The following ARRB2 variants were observed in gnomAD, a reference collection of about 807,000 sequenced individuals.
ARRB2 encodes the protein beta-arrestin-2.
A neutral mutation model predicts 53.4 loss-of-function variants in ARRB2; 21 were observed. The observed-to-expected ratio is 0.39, with a 90% confidence interval of 0.28 to 0.57. The LOEUF is 0.57. Among genes scored for constraint, ARRB2 ranks in the 20% least tolerant of loss-of-function variants. The probability of loss-of-function intolerance (pLI) is 0.55; values close to 1 mark genes in which losing one functional copy is unlikely to be tolerated. For missense variants in ARRB2, 369 were observed against 527.5 expected (o/e 0.70, Z 2.94); for synonymous variants, 180 against 212.9 (o/e 0.85, Z 1.34).
chr17:4,710,673 G>C lies in ARRB2; in HGVS notation c.-49G>C, dbSNP rs1009117555. Reference sequence around the variant, plus strand: ...GAGCAGGGATCTTGGCAGCGGGCGAGGAGGCTGCGAGCGAGCCGCGAACCG... The same window carrying C: ...GAGCAGGGATCTTGGCAGCGGGCGACGAGGCTGCGAGCGAGCCGCGAACCG... On this transcript the variant is annotated 5_prime_UTR_variant, in exon 1 of 15. Coordinates refer to ENST00000269260, the MANE Select transcript of ARRB2 (RefSeq NM_004313.4). 1.1e-4 allele frequency: 44 copies of C among 398,846 alleles called. No individual in the cohort carries two copies. Among genetic ancestry groups the C allele is most frequent in the African/African-American group, 8.6e-4 (42 of 48,704 alleles). The allele number at this position is 398,846 out of a possible 1,614,324, so 24.7% of individuals were successfully genotyped here. A position where few individuals can be genotyped will look rare whatever the true frequency, so the allele number is the denominator to read the frequency against.
chr17:4,716,663 G>A (rs751981797), intron 5 of ARRB2, 55 bp downstream of exon 5: 157 of 1,536,946 alleles, frequency 1.0e-4, no homozygotes, highest in Non-Finnish European at 1.4e-4. Context: ...GACTGTGTCT[G>A]GGGTGGGGGT....
At chr17:4,718,856 A>C (rs1050401023) in intron 10 of ARRB2, among the ~76,000 whole-genome samples, 172 bp downstream of exon 10, 1 of 147,250 alleles carries the variant, frequency 6.8e-6, no homozygotes, top group Non-Finnish European at 1.5e-5. Flanking sequence ...ACCTCTGCTC[A>C]CTGCAACCTC....
chr17:4,717,417 G>T lies in ARRB2; in HGVS notation c.417+141G>T, dbSNP rs1318165385. ...GGCCAGTGTCCCCCGTGGAAGTGGG[G>T]CGTATGTGGTGGTCATTGTGCACGC... On this transcript the variant is annotated intron_variant, in intron 6 of 14. Coordinates refer to ENST00000269260, the MANE Select transcript of ARRB2 (RefSeq NM_004313.4). This position sits in a 1 kb window ranked among gnomAD's most constrained non-coding sequence, Gnocchi z 6.0. 86 of 1,110,206 alleles carry T rather than the reference G, an allele frequency of 7.7e-5. No homozygotes were observed. The Admixed American group carries it at 1.5e-3, about 19-fold the overall frequency. 68.8% of individuals were successfully genotyped at this position (1,110,206 alleles called of 1,614,324 possible).
chr17:4,710,821 G>T (rs1914311698), intron 1 of ARRB2, 77 bp downstream of exon 1: 1 of 397,810 alleles, frequency 2.5e-6, no homozygotes, highest in Admixed American at 4.4e-5. Context: ...AGACGAGGGC[G>T]CAGCGGAGAG....
chr17:4,715,724 CAA>C lies in ARRB2; in HGVS notation c.55-247_55-246del, dbSNP rs1491209818. The C allele has an allele frequency of 3.6e-4, 172 of 478,608 alleles. 2 individuals carry two copies. The African/African-American group carries it at 4.1e-3, about 11-fold the overall frequency. The allele number at this position is 478,608 out of a possible 1,614,324, so 29.6% of individuals were successfully genotyped here. ...ACACACACACACACACACACACACA[CAA>C]ACACACACACACCGGGCTGGTGGGC... On this transcript the variant is annotated intron_variant, in intron 2 of 14. Transcript: ENST00000269260.
Position 4,716,615 on chromosome 17 carries a change from A to G in ARRB2, c.357+7A>G. On this transcript the variant is annotated splice_region_variant and intron_variant, in intron 5 of 14. Coordinates refer to ENST00000269260, the MANE Select transcript of ARRB2 (RefSeq NM_004313.4). ...CCACCCCTTCTTCTTCACCGTGAGGATGCCCCTGCCCTCTGAGGGCCAGGG... is the reference window on the plus strand; with the variant it reads ...CCACCCCTTCTTCTTCACCGTGAGGGTGCCCCTGCCCTCTGAGGGCCAGGG... 2 of 1,494,838 alleles carry G rather than the reference A, an allele frequency of 1.3e-6. No homozygotes were observed. The highest frequency in any genetic ancestry group is 1.8e-6 in the Non-Finnish European group (2 of 1,115,590). The allele number at this position is 1,494,838 out of a possible 1,614,324, so 92.6% of individuals were successfully genotyped here.
At chr17:4,712,578 A>G (rs971009626) in intron 1 of ARRB2, among the ~76,000 whole-genome samples, 13 of 152,216 alleles carry the variant, frequency 8.5e-5, no homozygotes, top group East Asian at 3.8e-4. Context: ...CGTTTCTGCT[A>G]TCTATCTGAG....
At chr17:4,718,145 C>G in intron 8 of ARRB2, 116 bp from the exon 9 acceptor site, 1 of 1,556,736 alleles carries the variant, frequency 6.4e-7, no homozygotes. Context: ...GGACAGTTGC[C>G]GTGGGCTTGG....
In ARRB2 at chr17:4,716,495, A is replaced by G. The variant is rs201547137; in HGVS notation, c.244A>G (p.Ile82Val). 3.1e-6 allele frequency: 5 copies of G among 1,613,980 alleles called. No homozygotes were observed. The highest frequency in any genetic ancestry group is 1.7e-5 in the Admixed American group (1 of 60,004). Reference sequence around the variant, plus strand: ...CTTGTCCTTCCGCAAAGACCTGTTCATCGCCACCTACCAGGCCTTCCCCCC... The same window carrying G: ...CTTGTCCTTCCGCAAAGACCTGTTCGTCGCCACCTACCAGGCCTTCCCCCC... Reference protein sequence around the residue: ...LGLSFRKDLFIATYQAFPPVP... With the variant: ...LGLSFRKDLFVATYQAFPPVP... The change falls in exon 5 of 15, where the codon ATC (isoleucine) becomes GTC (valine). Residue 82 changes from isoleucine to valine, a missense_variant. Physicochemically the swap from Ile to Val is conservative, Grantham distance 29 (BLOSUM62 3). Coordinates refer to ENST00000269260, the MANE Select transcript of ARRB2 (RefSeq NM_004313.4).
intron 13 of ARRB2, 36 bp downstream of exon 13, chr17:4,720,508 G>A (rs770243101): frequency 5.6e-6 from 9 of 1,596,276 alleles, no homozygotes; most frequent in Non-Finnish European, 7.7e-6. Context: ...CTCAGAGGGA[G>A]GGCCTGAAGC....
At chr17:4,720,521 G>A in intron 13 of ARRB2, 49 bp downstream of exon 13, 1 of 1,586,824 alleles carries the variant, frequency 6.3e-7, no homozygotes, top group South Asian at 1.1e-5. Flanking sequence ...CCTGAAGCAG[G>A]GCCAGTGGAG....
chr17:4,719,196 AG>A, intron 10 of ARRB2, 86 bp from the exon 11 acceptor site: 1 of 1,491,044 alleles, frequency 6.7e-7, no homozygotes. Context: ...GGGACTAGTG[AG>A]GGGGAGATGC....
chr17:4,719,222 A>G (rs1417014600), intron 10 of ARRB2, 61 bp from the exon 11 acceptor site: 16 of 1,568,594 alleles, frequency 1.0e-5, no homozygotes, highest in Middle Eastern at 3.4e-4. Flanking sequence ...TGGGGGTCAT[A>G]GGCCGCCCCT....
In ARRB2 at chr17:4,718,007, C is replaced by A; in HGVS notation, c.605C>A (p.Ala202Asp). The stretch of plus-strand genomic sequence containing the variant: ...TCTGACCGGTCCCTGCACCTCGAGG[C>A]TTCCCTGGACAAGGAGGTGGGGCGT... ...LMSDRSLHLE[A>D]SLDKELYYHG... Residue 202 changes from alanine to aspartate, a missense_variant, in exon 8 of 15, where the codon GCT becomes GAT. Physicochemically the swap from Ala to Asp is moderately radical, Grantham distance 126. Transcript: ENST00000269260. 1 of 1,613,472 alleles carries A rather than the reference C, an allele frequency of 6.2e-7. No homozygotes were observed. Among genetic ancestry groups the A allele is most frequent in the Non-Finnish European group, 8.5e-7 (1 of 1,180,032 alleles).
At position 4,716,161 on chromosome 17, in the gene ARRB2, G is replaced by T; in HGVS notation, c.130G>T (p.Val44Leu). 6.2e-7 allele frequency: 1 copy of T among 1,614,184 alleles called. No individual in the cohort carries two copies. The highest frequency in any genetic ancestry group is 8.5e-7 in the Non-Finnish European group (1 of 1,180,020). ...CCCCCTCCTAGATGGCGTGGTGCTT[G>T]TGGACCCTGACTACCTGAAGGACCG... is the stretch of plus-strand genomic sequence containing the variant. ...KVDPVDGVVL[V>L]DPDYLKDRKV... Residue 44 changes from valine (V) to leucine (L), a missense_variant, in exon 4 of 15, where the codon GTG becomes TTG. Physicochemically the swap from Val to Leu is conservative, Grantham distance 32. Coordinates refer to ENST00000269260, the MANE Select transcript of ARRB2 (RefSeq NM_004313.4).
Position 4,717,031 on chromosome 17 carries a change from G to C in ARRB2, c.358-186G>C. 1.5e-6 allele frequency: 1 copy of C among 657,668 alleles called. No individual in the cohort carries two copies. 40.7% of individuals were successfully genotyped at this position (657,668 alleles called of 1,614,324 possible). A position where few individuals can be genotyped will look rare whatever the true frequency, so the allele number is the denominator to read the frequency against. On this transcript the variant is annotated intron_variant, in intron 5 of 14. Transcript: ENST00000269260. This position sits in a 1 kb window ranked among gnomAD's most constrained non-coding sequence, Gnocchi z 6.0. ...GTATTTTTAGTAGTGATGGGGTTTT[G>C]CCACGTTGGTCAGGCTGGTCTGGAA...
intron 11 of ARRB2, 97 bp downstream of exon 11, chr17:4,719,517 A>G: frequency 6.7e-7 from 1 of 1,498,282 alleles, no homozygotes. Flanking sequence ...AGTGAACAGA[A>G]GAGACAAAAA....
chr17:4,714,099 T>C (rs1335464897), intron 1 of ARRB2, among the ~76,000 whole-genome samples: 1 of 152,012 alleles, frequency 6.6e-6, no homozygotes, highest in Non-Finnish European at 1.5e-5. Context: ...ATGCCTAAAT[T>C]AATAAGGCCT....
chr17:4,714,612 G>C (rs529816299), intron 1 of ARRB2: 8 of 202,600 alleles, frequency 3.9e-5, no homozygotes, highest in Admixed American at 1.2e-4. Context: ...CGGGAAGAAG[G>C]GTTCCCCTTG....
Sources: gnomAD v4.1 joint callset for allele counts (sites outside exome capture counted in the v4.1 genomes callset) on GRCh38, gnomAD v4.1.1 for gene constraint, Gnocchi (gnomAD v3.1) non-coding constraint, MANE v1.5 for transcripts, NCBI Gene and HGNC (gene_info 2026-07-23, HGNC 2026-07-21) for gene names.